VPS8: variants seen among roughly 807,000 people sequenced by gnomAD.
VPS8 encodes the protein VPS8 subunit of CORVET complex.
VPS8 carries 129 observed loss-of-function variants against 216.4 expected under a neutral mutation model. The observed-to-expected ratio is 0.60, with a 90% CI of 0.52 to 0.69. VPS8 has a LOEUF of 0.69. VPS8 is among the 30% of genes least tolerant of loss of function. VPS8 has a pLI of 0.00. For missense variants in VPS8, 1,531 were observed against 1,683.5 expected (o/e 0.91, Z 1.59); for synonymous variants, 571 against 565.4 (o/e 1.01, Z -0.14).
intron 40 of VPS8, among the ~76,000 whole-genome samples, chr3:184,973,644 A>C (rs896046803): frequency 1.3e-5 from 2 of 152,166 alleles, no homozygotes; most frequent in African/African-American, 4.8e-5. Flanking sequence ...ATTAGAACTT[A>C]TTAAAATTCT....
At chr3:184,878,845 A>G (rs933277608) in intron 21 of VPS8, among the ~76,000 whole-genome samples, 1 of 152,194 alleles carries the variant, frequency 6.6e-6, no homozygotes, top group African/African-American at 2.4e-5. Context: ...AATCCTGGGG[A>G]TACCAGCTGC....
At position 184,894,877 on chromosome 3, in the gene VPS8, G is replaced by A; in HGVS notation, c.1956G>A (p.Val652=). Residue 652 remains valine (V), a synonymous_variant, in exon 23 of 48, where the codon GTG becomes GTA. Coordinates refer to ENST00000625842, the MANE Select transcript of VPS8 (RefSeq NM_001009921.3). ...HFQDKKLMEN[V]EALIVHMDIT... ...AAGATAAAAAATTAATGGAAAATGT[G>A]GAAGCGCTCATTGTACATATGGATA... is the stretch of plus-strand genomic sequence containing the variant. The A allele has an allele frequency of 6.2e-7, 1 of 1,609,330 alleles. No homozygotes were observed. The highest frequency in any genetic ancestry group is 8.5e-7 in the Non-Finnish European group (1 of 1,178,086).
chr3:184,852,420 T>A, intron 10 of VPS8, 80 bp from the exon 11 acceptor site: 1 of 1,307,510 alleles, frequency 7.6e-7, no homozygotes, highest in Admixed American at 2.2e-5. Context: ...ATTGTAGTTT[T>A]TCAAAATTGT....
rs528843528 is a variant in VPS8, at chr3:184,948,328, A to G, written c.3035+8085A>G. On this transcript the variant is annotated intron_variant, in intron 36 of 47. Transcript: ENST00000625842. Reference sequence around the variant, plus strand: ...AGAATTCAAGACCAGCCTGGGCAACATAGTAAGACCCCATCTCTAAAACAA... The same window carrying G: ...AGAATTCAAGACCAGCCTGGGCAACGTAGTAAGACCCCATCTCTAAAACAA... Among the ~76,000 whole-genome samples, 3 of 152,160 alleles carry G rather than the reference A, an allele frequency of 2.0e-5. No homozygotes were observed. The South Asian group carries it at 6.2e-4, about 32-fold the overall frequency.
chr3:184,922,473 G>A (rs1026861009), intron 29 of VPS8: 1 of 451,758 alleles, frequency 2.2e-6, no homozygotes, highest in African/African-American at 2.0e-5. Flanking sequence ...CCCAGTAGAT[G>A]TCAGATAAAT....
At chr3:184,969,820 T>C (rs1384496433) in intron 39 of VPS8, among the ~76,000 whole-genome samples, 1 of 151,880 alleles carries the variant, frequency 6.6e-6, no homozygotes, top group Non-Finnish European at 1.5e-5. Flanking sequence ...GCAGGTGGTA[T>C]GTTTGCAAAG....
intron 4 of VPS8, among the ~76,000 whole-genome samples, chr3:184,834,394 A>G (rs1720629217): frequency 6.6e-6 from 1 of 152,188 alleles, no homozygotes. Context: ...GATATACCTA[A>G]TGCTAAATGA....
chr3:184,997,873 G>T (rs1752825469), intron 44 of VPS8, among the ~76,000 whole-genome samples: 1 of 152,190 alleles, frequency 6.6e-6, no homozygotes, highest in African/African-American at 2.4e-5. Flanking sequence ...AAGGAATGTT[G>T]GGAGCTACTA....
chr3:184,841,837 A>G (rs2108602809), intron 7 of VPS8, among the ~76,000 whole-genome samples: 1 of 152,274 alleles, frequency 6.6e-6, no homozygotes, highest in East Asian at 1.9e-4. Flanking sequence ...AAGTTCAGCC[A>G]AGTTCATTGA....
intron 15 of VPS8, among the ~76,000 whole-genome samples, chr3:184,862,238 C>CA (rs1325141016): frequency 1.3e-5 from 2 of 149,654 alleles, no homozygotes; most frequent in Middle Eastern, 3.4e-3. Flanking sequence ...TTGGGATTGC[C>CA]AAAAAAAAAT....
chr3:184,859,987 A>G lies in VPS8; in HGVS notation c.1146A>G (p.Val382=). 1 of 1,612,510 alleles carries G rather than the reference A, an allele frequency of 6.2e-7. No homozygotes were observed. Among genetic ancestry groups the G allele is most frequent in the Non-Finnish European group, 8.5e-7 (1 of 1,178,970 alleles). The change falls in exon 15 of 48, where the codon GTA becomes GTG. Residue 382 remains valine, a splice_region_variant and synonymous_variant. Coordinates refer to ENST00000625842, the MANE Select transcript of VPS8 (RefSeq NM_001009921.3). ...CRGDVVHFLL[V]KRDESGAIHV... is the part of the protein sequence containing the mutation. Reference sequence around the variant, plus strand: ...GGTTGTTTTTATTTCATCATCAGGTAAAGAGAGATGAATCTGGAGCAATAC... The same window carrying G: ...GGTTGTTTTTATTTCATCATCAGGTGAAGAGAGATGAATCTGGAGCAATAC...
chr3:184,843,427 T>C (rs1425496480), intron 8 of VPS8, among the ~76,000 whole-genome samples, 182 bp downstream of exon 8: 1 of 152,168 alleles, frequency 6.6e-6, no homozygotes, highest in Non-Finnish European at 1.5e-5. Context: ...ATACCTTCAA[T>C]GTTTTAACTG....
intron 44 of VPS8, among the ~76,000 whole-genome samples, chr3:184,998,963 C>A (rs1753018862): frequency 6.6e-6 from 1 of 151,650 alleles, no homozygotes; most frequent in South Asian, 2.1e-4. Context: ...CTCACTGTAA[C>A]CTCTGCCTCC....
At chr3:184,982,388 CT>C (rs35123541) in intron 40 of VPS8, 177 bp from the exon 41 acceptor site, 206,484 of 472,580 alleles carry the variant, frequency 0.44, 18,365 homozygotes, top group Middle Eastern at 0.48. Context: ...TTTGTATTGT[CT>C]TTTTTTTTTT....
In VPS8 at chr3:185,027,994, C is replaced by T. The variant is rs534990228; in HGVS notation, c.4056+3605C>T. ...AGTCCATTTCCAATATTCACCATGG[C>T]GGTTAACAAGTCATTTCTTTCACCA... On this transcript the variant is annotated intron_variant, in intron 46 of 47. Transcript: ENST00000625842. Among the ~76,000 whole-genome samples, 17 of 152,288 alleles carry T rather than the reference C, an allele frequency of 1.1e-4. No individual in the cohort carries two copies. The East Asian group carries it at 1.3e-3, about 12-fold the overall frequency.
chr3:184,897,675 ACT>A (rs1332540570), intron 23 of VPS8, among the ~76,000 whole-genome samples: 1 of 151,270 alleles, frequency 6.6e-6, no homozygotes, highest in Non-Finnish European at 1.5e-5. Context: ...TTCTAGAAAG[ACT>A]CTCCCAGCAC....
chr3:184,874,302 T>A (rs1302299818), intron 21 of VPS8, among the ~76,000 whole-genome samples: 1 of 152,174 alleles, frequency 6.6e-6, no homozygotes, highest in Middle Eastern at 3.2e-3. Context: ...TGGAATAGAT[T>A]AGTAAATAGT....
At chr3:184,817,701 C>T (rs62286932) in intron 1 of VPS8, among the ~76,000 whole-genome samples, 1,608 of 152,274 alleles carry the variant, frequency 0.011, 14 homozygotes, top group Non-Finnish European at 0.017. Context: ...AGTAATAACA[C>T]TGATAGATTT....
intron 41 of VPS8, 92 bp downstream of exon 41, chr3:184,982,739 ATAGCATATTCTTATGATTTTTCCT>A: frequency 2.8e-6 from 3 of 1,068,842 alleles, no homozygotes; most frequent in Non-Finnish European, 4.1e-6. Context: ...TCTTTTTCCA[ATAGCATATTCTTATGATTTTTCCT>A]TAATGAAACC....
Sources: gnomAD v4.1 joint callset for allele counts (sites outside exome capture counted in the v4.1 genomes callset) on GRCh38, gnomAD v4.1.1 for gene constraint, MANE v1.5 for transcripts, NCBI Gene and HGNC (gene_info 2026-07-23, HGNC 2026-07-21) for gene names.